The following REPS2 variants were observed in gnomAD, a reference collection of about 807,000 sequenced individuals.
The protein encoded by REPS2 is ralBP1-associated Eps domain-containing protein 2.
A neutral mutation model predicts 53.6 loss-of-function variants in REPS2; 23 were observed. The observed-to-expected ratio is 0.43, with a 90% CI of 0.31 to 0.61. The LOEUF (loss-of-function observed/expected upper bound fraction) is 0.61. Ranked by LOEUF, REPS2 falls within the 20% of genes least tolerant of loss-of-function variation. REPS2 has a pLI of 0.11. For synonymous variants in REPS2, 238 were observed against 218.6 expected, an observed-to-expected ratio of 1.09 and a Z score of -0.78; for missense variants, 446 against 534.9, an observed-to-expected ratio of 0.83 and a Z score of 1.64.
chrX:17,118,658 C>T (rs2063098178), intron 14 of REPS2, among the ~76,000 whole-genome samples: 1 of 111,914 alleles, frequency 8.9e-6, no homozygotes, highest in Non-Finnish European at 1.9e-5. Flanking sequence ...TTATACATCA[C>T]AAAAATTAAC....
intron 2 of REPS2, among the ~76,000 whole-genome samples, chrX:17,011,176 G>A (rs2061426151): frequency 9.1e-6 from 1 of 110,124 alleles, no homozygotes; most frequent in Admixed American, 9.7e-5. Context: ...TTACTCTCAG[G>A]GCAAGTGCCG....
At chrX:17,015,615 T>C (rs2061483291) in intron 2 of REPS2, among the ~76,000 whole-genome samples, 1 of 103,736 alleles carries the variant, frequency 9.6e-6, no homozygotes, top group African/African-American at 3.5e-5. Flanking sequence ...CCTGTGTCCA[T>C]GTGTTCTCAT....
At chrX:17,092,062 G>T (rs1020687583) in intron 13 of REPS2, among the ~76,000 whole-genome samples, 1 of 111,457 alleles carries the variant, frequency 9.0e-6, no homozygotes, top group African/African-American at 3.3e-5. Flanking sequence ...TAGTTAGGGG[G>T]GATGGGAGCC....
chrX:17,111,383 A>G (rs1162600225), intron 14 of REPS2, among the ~76,000 whole-genome samples: 2 of 112,398 alleles, frequency 1.8e-5, no homozygotes, highest in African/African-American at 3.2e-5. Context: ...CGAATTTAAT[A>G]TGTATCAAGA....
In REPS2 at chrX:17,063,293, TAGTC is replaced by T. The variant is rs771755080; in HGVS notation, c.1209+764_1209+767del. 3.1e-3 allele frequency among the ~76,000 whole-genome samples: 350 copies of T among 112,259 alleles called. 3 individuals are homozygous for T. The highest frequency in any genetic ancestry group is 0.011 in the African/African-American group (325 of 30,909). The stretch of plus-strand genomic sequence containing the variant: ...GGAGCTTTATTCACAGACTCCATAA[TAGTC>T]AGAGACTATTAGAGTCCTCTGACCC... On this transcript the variant is annotated intron_variant, in intron 9 of 17. Coordinates refer to ENST00000357277, the MANE Select transcript of REPS2 (RefSeq NM_004726.3).
At chrX:17,107,681 A>G (rs1357318543) in intron 14 of REPS2, among the ~76,000 whole-genome samples, 1 of 111,823 alleles carries the variant, frequency 8.9e-6, no homozygotes, top group Non-Finnish European at 1.9e-5. Flanking sequence ...GTTAAAAGAA[A>G]CATCTTTTTA....
At chrX:17,118,525 G>A (rs1270156759) in intron 14 of REPS2, among the ~76,000 whole-genome samples, 1 of 112,115 alleles carries the variant, frequency 8.9e-6, no homozygotes, top group Non-Finnish European at 1.9e-5. Context: ...GAGAGCAGAA[G>A]TTAACTACTT....
In REPS2 at chrX:17,054,969, C is replaced by T. The variant is rs73189116; in HGVS notation, c.1114+19C>T. ...CAGGCAGGTAAGGCCTCACCATCAACTGTAAACCTTAAGTACTTTTCCTCC... is the reference window on the plus strand; with the variant it reads ...CAGGCAGGTAAGGCCTCACCATCAATTGTAAACCTTAAGTACTTTTCCTCC... On this transcript the variant is annotated intron_variant, in intron 8 of 17. Coordinates refer to ENST00000357277, the MANE Select transcript of REPS2 (RefSeq NM_004726.3). The T allele has an allele frequency of 0.24, 282,891 of 1,196,647 alleles. 24,772 individuals carry two copies. Among genetic ancestry groups the T allele is most frequent in the East Asian group, 0.27 (9,023 of 33,397 alleles).
rs139079108 is a variant in REPS2, at chrX:17,068,731, G to C, written c.1279+260G>C. Among the ~76,000 whole-genome samples the C allele has an allele frequency of 8.9e-5, 10 of 112,559 alleles. No homozygotes were observed. In the East Asian group the frequency reaches 2.8e-3, roughly 31 times the overall value. On this transcript the variant is annotated intron_variant, in intron 10 of 17. Coordinates refer to ENST00000357277, the MANE Select transcript of REPS2 (RefSeq NM_004726.3). ...AGCCTACTCTTAACACCTTACACTG[G>C]AATCTGATCGTAGCAATTAGGAAAT...
At chrX:16,991,276 T>G (rs1480935274) in intron 1 of REPS2, among the ~76,000 whole-genome samples, 1 of 111,434 alleles carries the variant, frequency 9.0e-6, no homozygotes, top group East Asian at 2.8e-4. Context: ...GCCTGTGGGA[T>G]GGAGAGATTC....
intron 13 of REPS2, among the ~76,000 whole-genome samples, chrX:17,100,751 G>A (rs765296852): frequency 1.8e-5 from 2 of 111,753 alleles, no homozygotes; most frequent in East Asian, 5.6e-4. Flanking sequence ...CGTGGCAAAG[G>A]TACTGAAAAG....
intron 1 of REPS2, among the ~76,000 whole-genome samples, chrX:16,981,942 C>T (rs137994394): frequency 8.5e-4 from 95 of 111,426 alleles, no homozygotes; most frequent in African/African-American, 2.8e-3. Flanking sequence ...AAACCTCATA[C>T]GCTTTAGCAG....
intron 8 of REPS2, 90 bp from the exon 9 acceptor site, chrX:17,062,348 A>G (rs1174490482): frequency 4.6e-6 from 3 of 651,118 alleles, no homozygotes; most frequent in Non-Finnish European, 7.2e-6. Flanking sequence ...TTTTGTTGTT[A>G]TATTTAACAA....
At chrX:17,059,191 T>C (rs1355749518) in intron 8 of REPS2, among the ~76,000 whole-genome samples, 1 of 108,037 alleles carries the variant, frequency 9.3e-6, no homozygotes, top group Non-Finnish European at 1.9e-5. Context: ...TTTGTATTTT[T>C]AGTAGAGATG....
At chrX:16,982,529 A>G (rs1277187180) in intron 1 of REPS2, among the ~76,000 whole-genome samples, 1 of 112,141 alleles carries the variant, frequency 8.9e-6, no homozygotes, top group African/African-American at 3.2e-5. Context: ...TCTTGATTTT[A>G]TAGGCTGTGT....
At chrX:17,096,762 C>T (rs1175424983) in intron 13 of REPS2, among the ~76,000 whole-genome samples, 5 of 104,661 alleles carry the variant, frequency 4.8e-5, no homozygotes, top group African/African-American at 1.7e-4. Flanking sequence ...CCAAATAGAA[C>T]TTCTAGAAAA....
At chrX:16,999,076 T>C (rs1378504483) in intron 1 of REPS2, among the ~76,000 whole-genome samples, 2 of 112,363 alleles carry the variant, frequency 1.8e-5, no homozygotes, top group Non-Finnish European at 3.8e-5. Context: ...GTCACAGATA[T>C]GGCAAATGTC....
At chrX:17,163,523 C>G in the REPS2 span, among the ~76,000 whole-genome samples, 1 of 111,764 alleles carries the variant, frequency 8.9e-6, no homozygotes, top group Admixed American at 9.5e-5. Flanking sequence ...GAGCATCACA[C>G]TAAGACACCT....
At position 17,063,928 on chromosome X, in the gene REPS2, A is replaced by G. The variant is rs2062192141; in HGVS notation, c.1209+1396A>G. Among the ~76,000 whole-genome samples the G allele has an allele frequency of 2.8e-5, 3 of 107,531 alleles. No homozygotes were observed. In the South Asian group the frequency reaches 1.2e-3, roughly 43 times the overall value. The allele number at this position is 107,531 out of a possible 115,157, so 93.4% of individuals were successfully genotyped here. On this transcript the variant is annotated intron_variant, in intron 9 of 17. Transcript: ENST00000357277. ...GCACACGTCTGTTTTACTGTTACAC[A>G]CACACACACACACACACACACACAG...
Sources: allele counts gnomAD v4.1 joint callset (sites outside exome capture counted in the v4.1 genomes callset), GRCh38; gene constraint gnomAD v4.1.1; transcripts MANE v1.5; gene names NCBI Gene and HGNC (gene_info 2026-07-23, HGNC 2026-07-21).